The following TENM2 variants were observed in gnomAD, a reference collection of about 807,000 sequenced individuals.
The protein encoded by TENM2 is teneurin transmembrane protein 2.
Under a neutral mutation model 245.2 loss-of-function variants are expected in TENM2, and 52 were observed. That is an observed-to-expected ratio of 0.21 (90% confidence interval 0.17 to 0.27). The LOEUF (loss-of-function observed/expected upper bound fraction) is 0.27. Ranked by LOEUF, TENM2 falls within the 10% of genes least tolerant of loss-of-function variation. The pLI, the probability that TENM2 is intolerant of heterozygous loss-of-function variation, is 1.00. For missense variants in TENM2, 3,046 were observed against 3,666.8 expected (o/e 0.83, Z 4.37); for synonymous variants, 1,363 against 1,438.9 (o/e 0.95, Z 1.19).
intron 1 of TENM2, among the ~76,000 whole-genome samples, chr5:167,324,414 T>C (rs1756959577): frequency 6.6e-6 from 1 of 152,218 alleles, no homozygotes; most frequent in African/African-American, 2.4e-5. Flanking sequence ...TAGGTCTCCT[T>C]TCAAAGATGG....
At position 167,530,341 on chromosome 5, in the gene TENM2, A is replaced by G. The variant is rs1251876248; in HGVS notation, c.502+154868A>G. Among the ~76,000 whole-genome samples, 3 of 152,358 alleles carry G rather than the reference A, an allele frequency of 2.0e-5. No homozygotes were observed. The East Asian group carries it at 5.8e-4, about 29-fold the overall frequency. ...TAGGGTGGGCCACCTAAAAATTTTC[A>G]TGTGACTATCCATCTGTAAGTACGA... On this transcript the variant is annotated intron_variant, in intron 2 of 28. Transcript: ENST00000518659.
At chr5:167,419,722 G>A (rs183297142) in intron 2 of TENM2, among the ~76,000 whole-genome samples, 2 of 152,146 alleles carry the variant, frequency 1.3e-5, no homozygotes, top group Admixed American at 6.5e-5. Context: ...ATCACTTTCT[G>A]TATGTTTTTA....
intron 3 of TENM2, among the ~76,000 whole-genome samples, chr5:167,905,531 A>G (rs1278815554): frequency 6.6e-6 from 1 of 152,206 alleles, no homozygotes; most frequent in Admixed American, 6.5e-5. Flanking sequence ...CTAGGGGTAG[A>G]GGAAGAAAAT....
chr5:167,127,626 TTTAA>T, the TENM2 span, among the ~76,000 whole-genome samples: 5 of 148,884 alleles, frequency 3.4e-5, no homozygotes, highest in African/African-American at 1.3e-4. Context: ...TTTTTTTTTT[TTTAA>T]AAAAAAAAAA....
At chr5:167,246,132 A>G in the TENM2 span, among the ~76,000 whole-genome samples, 1 of 152,082 alleles carries the variant, frequency 6.6e-6, no homozygotes, top group Non-Finnish European at 1.5e-5. Flanking sequence ...GGGGATGGCA[A>G]TTTCATCCTT....
At chr5:167,567,105 A>G (rs1368812294) in intron 2 of TENM2, among the ~76,000 whole-genome samples, 1 of 152,206 alleles carries the variant, frequency 6.6e-6, no homozygotes, top group Admixed American at 6.5e-5. Flanking sequence ...CTTTAATCAC[A>G]TTATATACTC....
rs538951801 is a variant in TENM2, at chr5:167,472,783, G to C, written c.502+97310G>C. On this transcript the variant is annotated intron_variant, in intron 2 of 28. Coordinates refer to ENST00000518659, the Ensembl canonical transcript of TENM2. ...TTGGAAACTGAAAGATAAATGCTACGTGTGAAGTTAATAAACCATAATTGG... is the reference window on the plus strand; with the variant it reads ...TTGGAAACTGAAAGATAAATGCTACCTGTGAAGTTAATAAACCATAATTGG... Among the ~76,000 whole-genome samples the C allele has an allele frequency of 2.0e-5, 3 of 152,182 alleles. No individual in the cohort carries two copies. The East Asian group carries it at 5.8e-4, about 29-fold the overall frequency.
chr5:167,129,610 C>T, the TENM2 span, among the ~76,000 whole-genome samples: 2 of 152,128 alleles, frequency 1.3e-5, no homozygotes, highest in Non-Finnish European at 2.9e-5. Context: ...GCCTTTGTTT[C>T]CTTACCTGTC....
intron 9 of TENM2, among the ~76,000 whole-genome samples, chr5:168,104,796 A>T (rs531718035): frequency 6.6e-6 from 1 of 152,160 alleles, no homozygotes; most frequent in South Asian, 2.1e-4. Context: ...GCAAAATGAA[A>T]CTGACCTGCC....
the TENM2 span, among the ~76,000 whole-genome samples, chr5:167,115,949 G>A: frequency 6.6e-6 from 1 of 152,268 alleles, no homozygotes; most frequent in South Asian, 2.1e-4. Flanking sequence ...CTCGGAGATT[G>A]GAATAATGAC....
chr5:168,238,299 G>GAAAAGAAAAGAAAAGAA (rs1554230444), intron 25 of TENM2, among the ~76,000 whole-genome samples: 1 of 143,144 alleles, frequency 7.0e-6, no homozygotes, highest in East Asian at 2.0e-4. Flanking sequence ...GAAAAGAAAA[G>GAAAAGAAAAGAAAAGAA]AAAAAATCCC....
At chr5:167,173,448 A>G in the TENM2 span, among the ~76,000 whole-genome samples, 6 of 152,184 alleles carry the variant, frequency 3.9e-5, no homozygotes, top group Non-Finnish European at 8.8e-5. Context: ...ACCTGTGTGG[A>G]TAATTGGAAG....
the TENM2 span, among the ~76,000 whole-genome samples, chr5:167,055,120 T>G: frequency 8.5e-5 from 13 of 152,122 alleles, no homozygotes; most frequent in African/African-American, 3.1e-4. Flanking sequence ...GTCATATAGA[T>G]TTTTCTCCTA....
rs142630983 is a variant in TENM2, at chr5:167,306,823, T to C, written c.226+21760T>C. On this transcript the variant is annotated intron_variant, in intron 1 of 28. Coordinates refer to ENST00000518659, the Ensembl canonical transcript of TENM2. Reference sequence around the variant, plus strand: ...AGATACAGAAGACTTGTAGCAATAATGTTAATAACTGAATAATATTTACTG... The same window carrying C: ...AGATACAGAAGACTTGTAGCAATAACGTTAATAACTGAATAATATTTACTG... Among the ~76,000 whole-genome samples the C allele has an allele frequency of 4.4e-4, 67 of 152,342 alleles. No individual in the cohort carries two copies. The East Asian group carries it at 0.011, about 24-fold the overall frequency.
At chr5:167,472,150 G>A (rs1410913354) in intron 2 of TENM2, among the ~76,000 whole-genome samples, 1 of 151,986 alleles carries the variant, frequency 6.6e-6, no homozygotes, top group Admixed American at 6.6e-5. Context: ...TTCCACTGAA[G>A]ACATCCAATT....
chr5:167,585,591 C>T (rs1413927036), intron 2 of TENM2, among the ~76,000 whole-genome samples: 1 of 152,116 alleles, frequency 6.6e-6, no homozygotes, highest in Non-Finnish European at 1.5e-5. Flanking sequence ...TTTTCCACAC[C>T]TCTGGTGAAA....
chr5:167,085,477 TACTG>T, the TENM2 span, among the ~76,000 whole-genome samples: 4 of 152,208 alleles, frequency 2.6e-5, no homozygotes, highest in African/African-American at 7.2e-5. Flanking sequence ...CCACTAACAT[TACTG>T]ACTGTTTACT....
the TENM2 span, among the ~76,000 whole-genome samples, chr5:167,138,007 T>C: frequency 1.3e-5 from 2 of 152,186 alleles, no homozygotes; most frequent in African/African-American, 2.4e-5. Flanking sequence ...GCTTAAAATA[T>C]TTATATTACC....
chr5:167,907,510 T>C (rs912973258), intron 3 of TENM2, among the ~76,000 whole-genome samples: 3 of 138,040 alleles, frequency 2.2e-5, no homozygotes, highest in Non-Finnish European at 3.1e-5. Context: ...AGTAATTTTG[T>C]TTAGATCACC....
Sources: gnomAD v4.1 joint callset for allele counts (sites outside exome capture counted in the v4.1 genomes callset) on GRCh38, gnomAD v4.1.1 for gene constraint, MANE v1.5 for transcripts, NCBI Gene and HGNC (gene_info 2026-07-23, HGNC 2026-07-21) for gene names.